The following MAP3K20 variants were observed in gnomAD, a reference collection of about 807,000 sequenced individuals.
The protein encoded by MAP3K20 is HCCS-4.
In MAP3K20, 40 loss-of-function variants were observed where a neutral mutation model predicts 85.7. The ratio of observed to expected loss-of-function variants is 0.47; its 90% CI spans 0.36 to 0.61. The LOEUF is 0.61. Ranked by LOEUF, MAP3K20 falls within the 20% of genes least tolerant of loss-of-function variation. MAP3K20 has a pLI of 0.00. For missense variants in MAP3K20, 817 were observed against 961.7 expected, an observed-to-expected ratio of 0.85 and a Z score of 1.99; for synonymous variants, 325 against 327.7, an observed-to-expected ratio of 0.99 and a Z score of 0.09.
intron 2 of MAP3K20, among the ~76,000 whole-genome samples, chr2:173,127,258 A>T (rs1688471016): frequency 6.6e-6 from 1 of 152,242 alleles, no homozygotes; most frequent in South Asian, 2.1e-4. Context: ...TTTCCTCTTC[A>T]TTTAAGAATT....
chr2:173,237,019 CTTTTTTTTTTTT>C (rs368196400), intron 14 of MAP3K20, among the ~76,000 whole-genome samples: 14 of 75,538 alleles, frequency 1.9e-4, no homozygotes, highest in South Asian at 5.7e-4. Context: ...GTATATCCAC[CTTTTTTTTTTTT>C]TTTTTTTTTT....
chr2:173,180,090 T>A (rs1690280909), intron 3 of MAP3K20, among the ~76,000 whole-genome samples: 1 of 151,938 alleles, frequency 6.6e-6, no homozygotes, highest in African/African-American at 2.4e-5. Flanking sequence ...CCCAGCAGAC[T>A]TTTTTTTAGA....
At chr2:173,188,859 A>G (rs1690569028) in intron 5 of MAP3K20, among the ~76,000 whole-genome samples, 2 of 152,196 alleles carry the variant, frequency 1.3e-5, no homozygotes. Flanking sequence ...TCAGAGTTTT[A>G]TGAATTTGTA....
intron 2 of MAP3K20, among the ~76,000 whole-genome samples, chr2:173,118,935 C>G (rs1688199806): frequency 6.6e-6 from 1 of 152,034 alleles, no homozygotes; most frequent in African/African-American, 2.4e-5. Flanking sequence ...ATGGATAATA[C>G]CATGATATAG....
At chr2:173,130,756 G>C (rs908356252) in intron 2 of MAP3K20, among the ~76,000 whole-genome samples, 1 of 152,202 alleles carries the variant, frequency 6.6e-6, no homozygotes, top group African/African-American at 2.4e-5. Flanking sequence ...TTGCGATTCT[G>C]TTCTCAGGAC....
At chr2:173,077,420 A>G (rs1248545803) in intron 1 of MAP3K20, among the ~76,000 whole-genome samples, 1 of 148,764 alleles carries the variant, frequency 6.7e-6, no homozygotes, top group Non-Finnish European at 1.5e-5. Context: ...CATTTTAATT[A>G]TGGTTATGGT....
intron 11 of MAP3K20, chr2:173,221,302 G>C: frequency 6.2e-7 from 1 of 1,614,054 alleles, no homozygotes. Flanking sequence ...CCATGATGCT[G>C]ATGGGCTTTG....
intron 2 of MAP3K20, among the ~76,000 whole-genome samples, chr2:173,131,398 GA>G (rs1559244601): frequency 2.0e-5 from 3 of 152,206 alleles, no homozygotes; most frequent in African/African-American, 7.2e-5. Flanking sequence ...GATAGGGAAA[GA>G]GTTGCTTAGG....
chr2:173,134,403 T>TAC (rs1688720247), intron 2 of MAP3K20, among the ~76,000 whole-genome samples: 3 of 9,910 alleles, frequency 3.0e-4, no homozygotes, highest in African/African-American at 1.0e-3. Context: ...CATATATATA[T>TAC]ATATATATAT....
chr2:173,187,683 A>G (rs374386399), intron 5 of MAP3K20, 60 bp downstream of exon 5: 2 of 1,416,090 alleles, frequency 1.4e-6, no homozygotes. Context: ...ACTTGCATGT[A>G]GAAATGAGCA....
intron 5 of MAP3K20, among the ~76,000 whole-genome samples, chr2:173,188,175 C>T (rs1447043096): frequency 6.6e-6 from 1 of 152,126 alleles, no homozygotes; most frequent in Non-Finnish European, 1.5e-5. Flanking sequence ...TTCTCTTCTT[C>T]TGTACTTTCT....
At chr2:173,171,874 T>C (rs1690009124) in intron 3 of MAP3K20, among the ~76,000 whole-genome samples, 1 of 152,192 alleles carries the variant, frequency 6.6e-6, no homozygotes, top group African/African-American at 2.4e-5. Flanking sequence ...TAGTAGATTG[T>C]ATATTTATAG....
intron 16 of MAP3K20, among the ~76,000 whole-genome samples, chr2:173,256,471 AT>A (rs1685160808): frequency 6.6e-6 from 1 of 151,276 alleles, no homozygotes; most frequent in Non-Finnish European, 1.5e-5. Flanking sequence ...TAAAAAAGAA[AT>A]TTAAAAAAAT....
At chr2:173,246,593 T>C (rs16861423) in intron 16 of MAP3K20, among the ~76,000 whole-genome samples, 8,451 of 152,276 alleles carry the variant, frequency 0.055, 899 homozygotes, top group East Asian at 0.53. Context: ...CACCAAGATC[T>C]TTTTGAGACT....
At chr2:173,087,009 C>CATG (rs1308723794) in intron 1 of MAP3K20, among the ~76,000 whole-genome samples, 3 of 152,214 alleles carry the variant, frequency 2.0e-5, no homozygotes, top group African/African-American at 7.2e-5. Context: ...TTAAGTTTTA[C>CATG]ATGACTTGGT....
At chr2:173,179,700 A>T (rs1574083022) in intron 3 of MAP3K20, among the ~76,000 whole-genome samples, 2 of 103,706 alleles carry the variant, frequency 1.9e-5, no homozygotes, top group South Asian at 6.2e-4. Context: ...ATCCTAAGGA[A>T]TGCGCACACA....
In MAP3K20 at chr2:173,266,532, G is replaced by C. The variant is rs1233207957; in HGVS notation, c.2185G>C (p.Asp729His). The change falls in exon 20 of 20, where the codon GAC becomes CAC. Residue 729 changes from aspartate (D) to histidine (H), a missense_variant. This residue lies in a region of MAP3K20 where 454 missense variants were observed against 476.9 expected (regional missense o/e 0.95). Transcript: ENST00000375213. ...AGCACTCAATCCTCACCAGTCGCCT[G>C]ACTTCAAGAGAAGCCCCAGGGACCT... ...QSALNPHQSP[D>H]FKRSPRDLHQ... is the part of the protein sequence containing the mutation. The C allele has an allele frequency of 6.2e-7, 1 of 1,613,818 alleles. No individual in the cohort carries two copies. Among genetic ancestry groups the C allele is most frequent in the Admixed American group, 1.7e-5 (1 of 59,978 alleles).
In MAP3K20 at chr2:173,238,436, G is replaced by T. The variant is rs771039311; in HGVS notation, c.1266+1G>T. On this transcript the variant is annotated splice_donor_variant, in intron 15 of 19. Coordinates refer to ENST00000375213, the MANE Select transcript of MAP3K20 (RefSeq NM_016653.3). LOFTEE classifies it high-confidence loss of function. ...GTTTCACTTCCCACCACTAATTAAG[G>T]TAAGTAAGGTTTTTCTTACCGACAC... 6.2e-7 allele frequency: 1 copy of T among 1,610,024 alleles called. No homozygotes were observed. Among genetic ancestry groups the T allele is most frequent in the Admixed American group, 1.7e-5 (1 of 59,432 alleles).
intron 10 of MAP3K20, chr2:173,212,847 TAGGGACACTTATTC>T (rs1231211690): frequency 6.8e-6 from 1 of 146,800 alleles, no homozygotes; most frequent in Non-Finnish European, 1.5e-5. Flanking sequence ...TGCAAAAATG[TAGGGACACTTATTC>T]AGCAAAACAT....
Sources: gnomAD v4.1 joint callset for allele counts (sites outside exome capture counted in the v4.1 genomes callset) on GRCh38, gnomAD v4.1.1 for gene constraint, gnomAD v4.1.1 regional missense constraint, MANE v1.5 for transcripts, NCBI Gene and HGNC (gene_info 2026-07-23, HGNC 2026-07-21) for gene names.